Variants in QKI observed in about 807,000 individuals in gnomAD.
The protein encoded by QKI is QKI, KH domain containing RNA binding, also known as KH domain-containing RNA-binding protein QKI.
Under a neutral mutation model 39.0 loss-of-function variants are expected in QKI, and 10 were observed. That is an observed-to-expected ratio of 0.26 (90% CI 0.16 to 0.43). The LOEUF is 0.43. Ranked by LOEUF, QKI falls within the 20% of genes least tolerant of loss-of-function variation. The pLI, the probability that QKI is intolerant of heterozygous loss-of-function variation, is 1.00. For missense variants in QKI, 218 were observed against 428.0 expected, an observed-to-expected ratio of 0.51 and a Z score of 4.33; for synonymous variants, 204 against 155.4, an observed-to-expected ratio of 1.31 and a Z score of -2.33.
chr6:163,551,040 C>T (rs1415842690), intron 4 of QKI, among the ~76,000 whole-genome samples: 1 of 151,756 alleles, frequency 6.6e-6, no homozygotes, highest in Admixed American at 6.6e-5. Flanking sequence ...TTATCTAATT[C>T]ATTGATTCCT....
chr6:163,540,454 T>C (rs1781441673), intron 4 of QKI, among the ~76,000 whole-genome samples: 1 of 152,196 alleles, frequency 6.6e-6, no homozygotes, highest in Non-Finnish European at 1.5e-5. Flanking sequence ...TGTAACTAAA[T>C]GTTTAGTAAA....
chr6:163,570,445 T>G (rs1783634145), intron 7 of QKI: 9 of 67,012 alleles, frequency 1.3e-4, no homozygotes, highest in Non-Finnish European at 2.8e-4. Context: ...TGTTAACCAG[T>G]TTTTTTTTTT....
intron 3 of QKI, among the ~76,000 whole-genome samples, chr6:163,527,275 CCA>C (rs1213529837): frequency 1.2e-3 from 176 of 152,182 alleles, no homozygotes; most frequent in African/African-American, 4.0e-3. Context: ...TACTTTATGC[CCA>C]GTTTCTCAAT....
chr6:163,453,610 C>T (rs868188057), intron 1 of QKI, among the ~76,000 whole-genome samples: 1 of 152,076 alleles, frequency 6.6e-6, no homozygotes, highest in Non-Finnish European at 1.5e-5. Context: ...TTAAGATAAA[C>T]ACCAAGTTGA....
rs1273769477 is a variant in QKI at position 163,573,546 on chromosome 6, CTTGA to C, written c.*2841_*2844del. 6.6e-6 allele frequency: 1 copy of C among 151,856 alleles called. No homozygotes were observed. Among genetic ancestry groups the C allele is most frequent in the Non-Finnish European group, 1.5e-5 (1 of 67,934 alleles). 9.4% of individuals were successfully genotyped at this position (151,856 alleles called of 1,614,324 possible). A position where few individuals can be genotyped will look rare whatever the true frequency, so the allele number is the denominator to read the frequency against. ...TATAACATTCAAAAAGAATTTTTTT[CTTGA>C]TTGAGAAAAGGATACAAAATGCAAA... On this transcript the variant is annotated 3_prime_UTR_variant, in exon 8 of 8. Transcript: ENST00000361752.
intron 1 of QKI, among the ~76,000 whole-genome samples, chr6:163,420,554 T>C (rs375888045): frequency 6.6e-6 from 1 of 152,116 alleles, no homozygotes; most frequent in Non-Finnish European, 1.5e-5. Context: ...CACACAGATA[T>C]ATACCAGCTT....
chr6:163,565,662 C>G, intron 6 of QKI: 1 of 1,083,376 alleles, frequency 9.2e-7, no homozygotes, highest in Non-Finnish European at 1.1e-6. Flanking sequence ...ATGAAAAAAT[C>G]TATTATGGTT....
chr6:163,558,234 A>T (rs1223922455), intron 4 of QKI, among the ~76,000 whole-genome samples: 1 of 152,154 alleles, frequency 6.6e-6, no homozygotes, highest in African/African-American at 2.4e-5. Context: ...TAGTTTTCTC[A>T]TCTGAACTTA....
Position 163,563,505 on chromosome 6 carries a change from C to T in QKI, c.720C>T (p.Ala240=), listed in dbSNP as rs374139329. The T allele has an allele frequency of 2.5e-6, 4 of 1,614,184 alleles. No individual in the cohort carries two copies. Among genetic ancestry groups the T allele is most frequent in the African/African-American group, 1.3e-5 (1 of 75,054 alleles). The part of the protein sequence containing the change: ...TGPAPVLPPA[A]LRTPTPAGPT... ...CTGCGCCGGTTCTCCCACCAGCTGCCCTGCGTACTCCTACGCCAGCTGGCC... is the reference window on the plus strand; with the variant it reads ...CTGCGCCGGTTCTCCCACCAGCTGCTCTGCGTACTCCTACGCCAGCTGGCC... Residue 240 remains alanine, a synonymous_variant, in exon 6 of 8, where the codon GCC becomes GCT. Coordinates refer to ENST00000361752, the MANE Select transcript of QKI (RefSeq NM_006775.3).
chr6:163,479,934 C>G (rs1472390656), intron 3 of QKI, among the ~76,000 whole-genome samples: 1 of 152,172 alleles, frequency 6.6e-6, no homozygotes, highest in Non-Finnish European at 1.5e-5. Context: ...AAGGCTATCA[C>G]TAGCCATATG....
chr6:163,550,511 T>C (rs373378881), intron 4 of QKI, among the ~76,000 whole-genome samples: 6 of 152,284 alleles, frequency 3.9e-5, no homozygotes, highest in African/African-American at 1.4e-4. Flanking sequence ...GTGGCTATTA[T>C]TATAAAACTG....
At chr6:163,450,208 C>T (rs1240410822) in intron 1 of QKI, among the ~76,000 whole-genome samples, 1 of 152,066 alleles carries the variant, frequency 6.6e-6, no homozygotes, top group Non-Finnish European at 1.5e-5. Flanking sequence ...CAGGTGCCTG[C>T]CACCACACCT....
intron 4 of QKI, among the ~76,000 whole-genome samples, chr6:163,542,252 C>G (rs937530207): frequency 6.6e-6 from 1 of 151,962 alleles, no homozygotes; most frequent in Admixed American, 6.6e-5. Context: ...CTTCCTCCTT[C>G]CGTTAATCCT....
Position 163,573,240 on chromosome 6 carries a change from TATC to T in QKI, c.*2533_*2535del, listed in dbSNP as rs1288413656. On this transcript the variant is annotated 3_prime_UTR_variant, in exon 8 of 8. Coordinates refer to ENST00000361752, the MANE Select transcript of QKI (RefSeq NM_006775.3). ...CTCTGAATGCCTTGGTTCTCAGTAT[TATC>T]ATTCTTTATTGAATTTATTTCTTAT... 3 of 152,352 alleles carry T rather than the reference TATC, an allele frequency of 2.0e-5. No homozygotes were observed. Among genetic ancestry groups the T allele is most frequent in the East Asian group, 1.9e-4 (1 of 5,188 alleles). The allele number at this position is 152,352 out of a possible 1,614,324, so 9.4% of individuals were successfully genotyped here.
At chr6:163,521,130 A>G (rs2294706) in intron 3 of QKI, among the ~76,000 whole-genome samples, 64,282 of 151,894 alleles carry the variant, frequency 0.42, 16,862 homozygotes, top group East Asian at 0.72. Context: ...CATTTGTACC[A>G]TCTAGTATTA....
intron 1 of QKI, among the ~76,000 whole-genome samples, chr6:163,436,485 A>G (rs939889519): frequency 6.6e-6 from 1 of 152,206 alleles, no homozygotes; most frequent in Non-Finnish European, 1.5e-5. Context: ...TTCAGGGAAC[A>G]ACTTACTGAG....
chr6:163,517,216 G>A lies in QKI; in HGVS notation c.403-17766G>A, dbSNP rs148695320. On this transcript the variant is annotated intron_variant, in intron 3 of 7. Transcript: ENST00000361752. ...TGGGTAAGGAAGGAAGATCCAGAGG[G>A]CACTGTTGTAAACCCAGTTGGTGTT... 7.4e-3 allele frequency among the ~76,000 whole-genome samples: 1,126 copies of A among 152,186 alleles called. 11 individuals are homozygous for A. Among genetic ancestry groups the A allele is most frequent in the Middle Eastern group, 0.027 (8 of 294 alleles).
chr6:163,420,397 CATT>C lies in QKI; in HGVS notation c.142+5063_142+5065del, dbSNP rs1381358299. On this transcript the variant is annotated intron_variant, in intron 1 of 7. Transcript: ENST00000361752. ...CTGTTGGAGATGGAAAATGCTGTGA[CATT>C]GTTGGTTTTTGTTTGTTGATAACTT... Among the ~76,000 whole-genome samples, 7 of 152,104 alleles carry C rather than the reference CATT, an allele frequency of 4.6e-5. No individual in the cohort carries two copies. In the South Asian group the frequency reaches 6.2e-4, roughly 14 times the overall value.
rs1583247497 is a variant in QKI, at chr6:163,576,774, C to G, written c.*6064C>G. On this transcript the variant is annotated 3_prime_UTR_variant, in exon 8 of 8. Coordinates refer to ENST00000361752, the MANE Select transcript of QKI (RefSeq NM_006775.3). Reference sequence around the variant, plus strand: ...TATCAATATGAGAATAAAGAACGCACACTTTCAATTTTATTGAGGCTTTCA... The same window carrying G: ...TATCAATATGAGAATAAAGAACGCAGACTTTCAATTTTATTGAGGCTTTCA... 6.6e-6 allele frequency: 1 copy of G among 152,116 alleles called. No homozygotes were observed. Among genetic ancestry groups the G allele is most frequent in the Admixed American group, 6.5e-5 (1 of 15,276 alleles). The allele number at this position is 152,116 out of a possible 1,614,324, so 9.4% of individuals were successfully genotyped here. A position where few individuals can be genotyped will look rare whatever the true frequency, so the allele number is the denominator to read the frequency against.
Sources: allele counts gnomAD v4.1 joint callset (sites outside exome capture counted in the v4.1 genomes callset), GRCh38; gene constraint gnomAD v4.1.1; transcripts MANE v1.5; gene names NCBI Gene and HGNC (gene_info 2026-07-23, HGNC 2026-07-21).